ADIPOR2: variants seen among roughly 807,000 people sequenced by gnomAD.
ADIPOR2 encodes the protein adiponectin receptor 2.
A neutral mutation model predicts 40.9 loss-of-function variants in ADIPOR2; 18 were observed. The ratio of observed to expected loss-of-function variants is 0.44; its 90% CI spans 0.30 to 0.65. ADIPOR2 has a LOEUF of 0.65. Ranked by LOEUF, ADIPOR2 falls within the 30% of genes least tolerant of loss-of-function variation. The pLI is 0.09. For missense variants in ADIPOR2, 283 were observed against 479.2 expected, an observed-to-expected ratio of 0.59 and a Z score of 3.82; for synonymous variants, 165 against 166.4, an observed-to-expected ratio of 0.99 and a Z score of 0.06.
chr12:1,737,159 AGC>A (rs1343973215), intron 1 of ADIPOR2, among the ~76,000 whole-genome samples: 1 of 152,236 alleles, frequency 6.6e-6, no homozygotes, highest in African/African-American at 2.4e-5. Flanking sequence ...GGCACCTGAC[AGC>A]ATATATTTAT....
At chr12:1,704,055 ATTTTTTTT>A (rs57190793) in intron 1 of ADIPOR2, among the ~76,000 whole-genome samples, 3 of 67,536 alleles carry the variant, frequency 4.4e-5, no homozygotes, top group Non-Finnish European at 8.3e-5. Flanking sequence ...TCTACCTGGA[ATTTTTTTT>A]TTTTTTTTTT....
intron 1 of ADIPOR2, chr12:1,730,735 T>C (rs1037987113): frequency 6.6e-6 from 1 of 152,172 alleles, no homozygotes; most frequent in Non-Finnish European, 1.5e-5. Context: ...ATGAAATCTT[T>C]AGCATCAGTT....
intron 3 of ADIPOR2, among the ~76,000 whole-genome samples, chr12:1,773,292 T>C (rs1036966666): frequency 2.0e-5 from 3 of 152,186 alleles, no homozygotes; most frequent in African/African-American, 7.2e-5. Context: ...CCTGGAGATA[T>C]GAAAATGCCC....
chr12:1,763,499 A>C (rs1862311632), intron 2 of ADIPOR2, among the ~76,000 whole-genome samples: 1 of 152,256 alleles, frequency 6.6e-6, no homozygotes, highest in South Asian at 2.1e-4. Context: ...TGTTAGATGT[A>C]GCATATCATT....
At chr12:1,715,113 G>A (rs2154441887) in intron 1 of ADIPOR2, among the ~76,000 whole-genome samples, 1 of 152,142 alleles carries the variant, frequency 6.6e-6, no homozygotes, top group African/African-American at 2.4e-5. Context: ...TTAATAGGAA[G>A]GGGAGCTGTA....
rs371751938 is a variant in ADIPOR2, at chr12:1,719,135, G to A, written c.-87+27944G>A. On this transcript the variant is annotated intron_variant, in intron 1 of 7. Transcript: ENST00000357103. ...AACATATGTTGGGAACTTTTGCCAT[G>A]TTACCAATTATGCTTTTTCAGTTTT... 2.6e-5 allele frequency among the ~76,000 whole-genome samples: 4 copies of A among 151,874 alleles called. No homozygotes were observed. In the East Asian group the frequency reaches 5.8e-4, roughly 22 times the overall value.
intron 1 of ADIPOR2, among the ~76,000 whole-genome samples, chr12:1,729,625 T>G (rs2094715611): frequency 2.5e-5 from 1 of 40,072 alleles, no homozygotes; most frequent in Non-Finnish European, 6.2e-5. Context: ...TTGTTTTTTT[T>G]TTTTTTTTTT....
Position 1,785,936 on chromosome 12 carries a change from C to A in ADIPOR2, c.1033-8C>A. ...CTCTACCCCCTTCTCTTCTTTTTTC[C>A]CCTCCAGTTTCACTCTCATCAGCTG... is the stretch of plus-strand genomic sequence containing the variant. On this transcript the variant is annotated splice_region_variant and splice_polypyrimidine_tract_variant and intron_variant, in intron 7 of 7. Coordinates refer to ENST00000357103, the MANE Select transcript of ADIPOR2 (RefSeq NM_024551.3). 6.2e-7 allele frequency: 1 copy of A among 1,609,420 alleles called. No homozygotes were observed. The highest frequency in any genetic ancestry group is 8.5e-7 in the Non-Finnish European group (1 of 1,178,680).
chr12:1,755,395 G>T (rs889114903), intron 2 of ADIPOR2, among the ~76,000 whole-genome samples: 7 of 152,132 alleles, frequency 4.6e-5, no homozygotes, highest in African/African-American at 1.7e-4. Flanking sequence ...TCTTAAAAGC[G>T]TACTTAACCT....
Position 1,772,841 on chromosome 12 carries a change from G to C in ADIPOR2, c.172-1G>C, listed in dbSNP as rs1248215386. 6.2e-7 allele frequency: 1 copy of C among 1,606,954 alleles called. No individual in the cohort carries two copies. Among genetic ancestry groups the C allele is most frequent in the Non-Finnish European group, 8.5e-7 (1 of 1,176,306 alleles). ...TGACTGTTTCTGTGATTGCCTTGCA[G>C]AGCTCTGAGGAACATGAATACAGTG... On this transcript the variant is annotated splice_acceptor_variant, in intron 2 of 7. Coordinates refer to ENST00000357103, the MANE Select transcript of ADIPOR2 (RefSeq NM_024551.3). LOFTEE classifies it high-confidence loss of function.
intron 1 of ADIPOR2, among the ~76,000 whole-genome samples, chr12:1,751,586 C>A (rs1468169376): frequency 6.6e-6 from 1 of 152,166 alleles, no homozygotes; most frequent in African/African-American, 2.4e-5. Context: ...GAGCTCAGTG[C>A]AACCTCGAAC....
chr12:1,709,164 G>C (rs1490338094), intron 1 of ADIPOR2, among the ~76,000 whole-genome samples: 1 of 152,110 alleles, frequency 6.6e-6, no homozygotes, highest in Non-Finnish European at 1.5e-5. Context: ...ATTTCAGTTT[G>C]TGTTGTATTA....
intron 1 of ADIPOR2, among the ~76,000 whole-genome samples, chr12:1,737,667 C>G (rs2094733749): frequency 6.6e-6 from 1 of 152,146 alleles, no homozygotes; most frequent in Non-Finnish European, 1.5e-5. Flanking sequence ...ACTGTGACCT[C>G]TACCTCCTGG....
Position 1,777,914 on chromosome 12 carries a change from A to G in ADIPOR2, c.352A>G (p.Asn118Asp). 6.2e-7 allele frequency: 1 copy of G among 1,614,080 alleles called. No homozygotes were observed. Residue 118 changes from asparagine (N) to aspartate (D), a missense_variant, in exon 4 of 8, where the codon AAT (asparagine) becomes GAT (aspartate). Transcript: ENST00000357103. ...TGTACTACCAGACTGGCTCAAGGATAATGACTTCCTCTTGCATGGACACCG... is the reference window on the plus strand; with the variant it reads ...TGTACTACCAGACTGGCTCAAGGATGATGACTTCCTCTTGCATGGACACCG... ...HDVLPDWLKD[N>D]DFLLHGHRPP...
intron 1 of ADIPOR2, among the ~76,000 whole-genome samples, chr12:1,748,392 G>C (rs2094761084): frequency 6.6e-6 from 1 of 152,016 alleles, no homozygotes; most frequent in Non-Finnish European, 1.5e-5. Context: ...GGAACTACAG[G>C]TGCCCGCCAC....
chr12:1,748,073 A>G (rs2094759730), intron 1 of ADIPOR2, among the ~76,000 whole-genome samples: 1 of 152,038 alleles, frequency 6.6e-6, no homozygotes, highest in African/African-American at 2.4e-5. Context: ...GGTGTCCCAC[A>G]TAGCTCTAAG....
chr12:1,723,463 GAAAAAAAAAAA>G (rs58233234), intron 1 of ADIPOR2, among the ~76,000 whole-genome samples: 1 of 106,192 alleles, frequency 9.4e-6, no homozygotes, highest in Non-Finnish European at 1.8e-5. Context: ...CGTCTCTACT[GAAAAAAAAAAA>G]AAAAAAAAAA....
intron 1 of ADIPOR2, among the ~76,000 whole-genome samples, chr12:1,752,950 G>T (rs1862033230): frequency 6.6e-6 from 1 of 152,098 alleles, no homozygotes; most frequent in African/African-American, 2.4e-5. Context: ...GCCCAGGTTT[G>T]GTATTCTTTA....
chr12:1,732,339 A>G (rs1346970792), intron 1 of ADIPOR2, among the ~76,000 whole-genome samples: 1 of 152,178 alleles, frequency 6.6e-6, no homozygotes, highest in Non-Finnish European at 1.5e-5. Context: ...ATCCCTGCCA[A>G]CCACTGATCT....
Sources: allele counts gnomAD v4.1 joint callset (sites outside exome capture counted in the v4.1 genomes callset), GRCh38; gene constraint gnomAD v4.1.1; transcripts MANE v1.5; gene names NCBI Gene and HGNC (gene_info 2026-07-23, HGNC 2026-07-21).